NCAM2: variants seen among roughly 807,000 people sequenced by gnomAD.
The protein encoded by NCAM2 is neural cell adhesion molecule 2.
A neutral mutation model predicts 98.1 loss-of-function variants in NCAM2; 30 were observed. The observed-to-expected ratio is 0.31, with a 90% CI of 0.23 to 0.41. The LOEUF (loss-of-function observed/expected upper bound fraction) is 0.41, where lower values mean the gene tolerates loss of function less well. NCAM2 is among the 10% of genes least tolerant of loss of function. NCAM2 has a pLI of 1.00. For synonymous variants in NCAM2, 368 were observed against 342.4 expected, an observed-to-expected ratio of 1.07 and a Z score of -0.83; for missense variants, 867 against 1,005.8, an observed-to-expected ratio of 0.86 and a Z score of 1.87.
chr21:21,365,238 C>CGTGTGTGT (rs66559489), intron 8 of NCAM2, among the ~76,000 whole-genome samples: 5,108 of 146,924 alleles, frequency 0.035, 125 homozygotes, highest in East Asian at 0.059. Flanking sequence ...TTGCTTAGTG[C>CGTGTGTGT]GTGTGTGTGT....
chr21:21,195,448 G>A (rs77498593), intron 1 of NCAM2, among the ~76,000 whole-genome samples: 2,661 of 152,214 alleles, frequency 0.017, 60 homozygotes, highest in African/African-American at 0.061. Context: ...AGGAAGAGCA[G>A]AATAATTAAT....
At chr21:21,088,710 G>A (rs2065950135) in intron 1 of NCAM2, among the ~76,000 whole-genome samples, 1 of 151,986 alleles carries the variant, frequency 6.6e-6, no homozygotes, top group Admixed American at 6.6e-5. Context: ...GACATTCTTG[G>A]GGCTAGGAGC....
At chr21:21,375,599 T>A (rs1444139770) in intron 9 of NCAM2, among the ~76,000 whole-genome samples, 5 of 151,828 alleles carry the variant, frequency 3.3e-5, no homozygotes, top group Non-Finnish European at 7.4e-5. Flanking sequence ...AGTATATTTC[T>A]TTTTCAGACC....
chr21:21,530,449 T>G (rs1010547615), intron 16 of NCAM2, among the ~76,000 whole-genome samples: 2 of 150,218 alleles, frequency 1.3e-5, no homozygotes, highest in African/African-American at 4.9e-5. Context: ...TAATCAATAC[T>G]GATCCTATTT....
intron 16 of NCAM2, among the ~76,000 whole-genome samples, chr21:21,519,487 A>G (rs1412735816): frequency 6.6e-6 from 1 of 151,882 alleles, no homozygotes; most frequent in Non-Finnish European, 1.5e-5. Context: ...GAGAAATCAA[A>G]ATGTACCTTC....
intron 16 of NCAM2, among the ~76,000 whole-genome samples, chr21:21,530,427 A>T (rs1989625693): frequency 6.7e-6 from 1 of 149,490 alleles, no homozygotes; most frequent in South Asian, 2.1e-4. Context: ...AAAAAGTAGA[A>T]ATCAAAGACC....
chr21:21,226,355 G>A (rs768028589), intron 1 of NCAM2, among the ~76,000 whole-genome samples: 3 of 151,748 alleles, frequency 2.0e-5, no homozygotes, highest in Non-Finnish European at 2.9e-5. Context: ...TTCAGAATAG[G>A]CAACATAAAG....
chr21:21,388,318 T>C (rs143412370), intron 9 of NCAM2, among the ~76,000 whole-genome samples: 14 of 152,292 alleles, frequency 9.2e-5, no homozygotes, highest in Admixed American at 2.6e-4. Flanking sequence ...CAGACATATA[T>C]GCTTGTGGGT....
At chr21:21,107,500 C>T (rs2066373131) in intron 1 of NCAM2, among the ~76,000 whole-genome samples, 1 of 152,090 alleles carries the variant, frequency 6.6e-6, no homozygotes, top group African/African-American at 2.4e-5. Flanking sequence ...ACCCCCGTTT[C>T]CCAGCCTGTA....
chr21:21,313,391 C>T (rs575511724), intron 5 of NCAM2, among the ~76,000 whole-genome samples: 1 of 151,738 alleles, frequency 6.6e-6, no homozygotes, highest in Non-Finnish European at 1.5e-5. Flanking sequence ...AAGTTGAATG[C>T]ACATGTAGGA....
chr21:21,081,770 C>T (rs9647219), intron 1 of NCAM2, among the ~76,000 whole-genome samples: 85,575 of 151,418 alleles, frequency 0.57, 26,863 homozygotes, highest in Non-Finnish European at 0.69. Context: ...CACTGCACTC[C>T]AGCCAGGGTG....
intron 8 of NCAM2, among the ~76,000 whole-genome samples, chr21:21,366,388 G>A (rs1328119699): frequency 6.6e-6 from 1 of 151,996 alleles, no homozygotes; most frequent in East Asian, 1.9e-4. Flanking sequence ...TTATATCACT[G>A]ATTTTAACAA....
intron 5 of NCAM2, among the ~76,000 whole-genome samples, chr21:21,300,875 A>G (rs1185833269): frequency 1.3e-5 from 2 of 151,952 alleles, no homozygotes; most frequent in Non-Finnish European, 2.9e-5. Context: ...CAATCTAGTA[A>G]TGCACTTCCA....
chr21:21,477,144 C>G (rs1043847409), intron 14 of NCAM2, 147 bp from the exon 15 acceptor site: 3 of 490,568 alleles, frequency 6.1e-6, no homozygotes, highest in Non-Finnish European at 1.0e-5. Context: ...GCTTCATTGA[C>G]ACAGCAACTT....
At chr21:21,486,899 G>T (rs537392835) in intron 15 of NCAM2, among the ~76,000 whole-genome samples, 52 of 152,188 alleles carry the variant, frequency 3.4e-4, no homozygotes, top group African/African-American at 1.2e-3. Context: ...TAGATTTTAA[G>T]CATCTAAGTG....
At chr21:21,082,788 C>G (rs958279890) in intron 1 of NCAM2, among the ~76,000 whole-genome samples, 4 of 152,090 alleles carry the variant, frequency 2.6e-5, no homozygotes, top group African/African-American at 9.7e-5. Context: ...AGCTGTAGTG[C>G]CTGCCTTAGA....
chr21:21,207,842 A>G (rs959718343), intron 1 of NCAM2, among the ~76,000 whole-genome samples: 1 of 152,146 alleles, frequency 6.6e-6, no homozygotes, highest in African/African-American at 2.4e-5. Context: ...TAAATATTAC[A>G]CTTGAATGTA....
At chr21:21,455,053 A>T (rs1771551296) in intron 12 of NCAM2, among the ~76,000 whole-genome samples, 3 of 151,822 alleles carry the variant, frequency 2.0e-5, no homozygotes, top group Non-Finnish European at 4.4e-5. Context: ...GCATTTTATT[A>T]AGCTTTACCA....
chr21:21,037,522 TCA>T (rs1226800470), intron 1 of NCAM2, among the ~76,000 whole-genome samples: 3 of 152,184 alleles, frequency 2.0e-5, no homozygotes, highest in Admixed American at 6.5e-5. Context: ...AAAAGTAGTT[TCA>T]GTTTGATATA....
Sources: allele counts gnomAD v4.1 joint callset (sites outside exome capture counted in the v4.1 genomes callset), GRCh38; gene constraint gnomAD v4.1.1; transcripts MANE v1.5; gene names NCBI Gene and HGNC (gene_info 2026-07-23, HGNC 2026-07-21).